The following DOCK1 variants were observed in gnomAD, a reference collection of about 807,000 sequenced individuals.
The protein encoded by DOCK1 is dedicator of cytokinesis protein 1.
A neutral mutation model predicts 262.7 loss-of-function variants in DOCK1; 138 were observed. The ratio of observed to expected loss-of-function variants is 0.53; its 90% CI spans 0.46 to 0.61. The LOEUF is 0.61. Ranked by LOEUF, DOCK1 falls within the 20% of genes least tolerant of loss-of-function variation. The pLI, the probability that DOCK1 is intolerant of heterozygous loss-of-function variation, is 0.00. For missense variants in DOCK1, 1,908 were observed against 2,370.7 expected, an observed-to-expected ratio of 0.80 and a Z score of 4.05; for synonymous variants, 866 against 867.4, an observed-to-expected ratio of 1.00 and a Z score of 0.03.
At chr10:127,022,004 G>GC (rs1195466522) in intron 13 of DOCK1, among the ~76,000 whole-genome samples, 1 of 152,162 alleles carries the variant, frequency 6.6e-6, no homozygotes, top group Admixed American at 6.5e-5. Flanking sequence ...CAGCAGAGGA[G>GC]CAGTGGCTGG....
Position 126,977,988 on chromosome 10 carries a change from G to T in DOCK1, c.171G>T (p.Lys57Asn). The T allele has an allele frequency of 1.2e-6, 2 of 1,613,748 alleles. No homozygotes were observed. Among genetic ancestry groups the T allele is most frequent in the Non-Finnish European group, 1.7e-6 (2 of 1,179,772 alleles). The change falls in exon 3 of 52, where the codon AAG (lysine) becomes AAT (asparagine). Residue 57 changes from lysine (K) to asparagine (N), a missense_variant and splice_region_variant. By Grantham distance (94) the Lys-to-Asn change is moderately conservative. Around this residue, in one of 9 missense-constraint regions of DOCK1, gnomAD observed 227 missense variants for 254.1 expected, o/e 0.89. Coordinates refer to ENST00000623213, the MANE Select transcript of DOCK1 (RefSeq NM_001290223.2). ...RGYTLRKKSK[K>N]GIFPASYIHL... ...ACACGTTACGAAAAAAGTCTAAGAAGGTAAGTCCTTCTTCTTAAACACAGT... is the reference window on the plus strand; with the variant it reads ...ACACGTTACGAAAAAAGTCTAAGAATGTAAGTCCTTCTTCTTAAACACAGT...
chr10:127,144,772 A>G (rs2486971), intron 27 of DOCK1, among the ~76,000 whole-genome samples: 107,986 of 152,106 alleles, frequency 0.71, 42,928 homozygotes, highest in South Asian at 0.89. Flanking sequence ...GATTCACCGT[A>G]ACTTTGTATC....
chr10:127,043,409 A>G (rs2044147969), intron 21 of DOCK1, among the ~76,000 whole-genome samples: 1 of 152,194 alleles, frequency 6.6e-6, no homozygotes, highest in East Asian at 1.9e-4. Context: ...CCTTCCATTT[A>G]TCTTTGAAAT....
At chr10:127,201,018 G>C (rs1029316659) in intron 27 of DOCK1, among the ~76,000 whole-genome samples, 2 of 152,244 alleles carry the variant, frequency 1.3e-5, no homozygotes, top group Non-Finnish European at 2.9e-5. Context: ...AGAAGCTGTG[G>C]TAGCAGATCA....
Position 127,012,648 on chromosome 10 carries a change from G to T in DOCK1, c.1201+274G>T, listed in dbSNP as rs773566933. Among the ~76,000 whole-genome samples, 1 of 152,164 alleles carries T rather than the reference G, an allele frequency of 6.6e-6. No homozygotes were observed. On this transcript the variant is annotated intron_variant, in intron 12 of 51. Transcript: ENST00000623213. This position sits in a 1 kb window ranked among gnomAD's most constrained non-coding sequence, Gnocchi z 4.0. ...TTAGAGGAACATGCAGGCGGTAGGC[G>T]TAACTCCCTCTGCCCGTGTTGTGTG...
intron 29 of DOCK1, among the ~76,000 whole-genome samples, chr10:127,299,799 C>T (rs148904792): frequency 1.3e-5 from 2 of 152,282 alleles, no homozygotes; most frequent in African/African-American, 2.4e-5. Context: ...GTATGATCAG[C>T]GAGAGGCTTA....
intron 27 of DOCK1, among the ~76,000 whole-genome samples, chr10:127,188,601 C>T (rs566448452): frequency 2.7e-4 from 41 of 152,278 alleles, no homozygotes; most frequent in Admixed American, 2.2e-3. Flanking sequence ...GGTTTGCTAA[C>T]GTGGTTAATT....
At chr10:126,998,572 A>T (rs1225271647) in intron 8 of DOCK1, 2 of 220,068 alleles carry the variant, frequency 9.1e-6, no homozygotes, top group East Asian at 1.8e-4. Context: ...GTAAGATTTT[A>T]TATATCCTGG....
At chr10:127,416,083 T>C (rs2068134010) in intron 44 of DOCK1, among the ~76,000 whole-genome samples, 1 of 152,206 alleles carries the variant, frequency 6.6e-6, no homozygotes. Context: ...GCGCCGAGCC[T>C]TCTCCTTTGC....
At chr10:127,449,179 C>T (rs952891065) in intron 51 of DOCK1, among the ~76,000 whole-genome samples, 2 of 152,122 alleles carry the variant, frequency 1.3e-5, no homozygotes, top group Admixed American at 1.3e-4. Flanking sequence ...AAATGGAAGC[C>T]GGACCTTCCC....
chr10:126,948,575 C>T (rs1354761229), intron 1 of DOCK1, among the ~76,000 whole-genome samples: 2 of 151,806 alleles, frequency 1.3e-5, no homozygotes, highest in African/African-American at 4.8e-5. Flanking sequence ...GGATAGGCAC[C>T]CTGAAACAGG....
At chr10:127,283,725 A>G (rs1288357877) in intron 29 of DOCK1, among the ~76,000 whole-genome samples, 3 of 152,144 alleles carry the variant, frequency 2.0e-5, no homozygotes, top group African/African-American at 7.2e-5. Flanking sequence ...CAACTTTCTT[A>G]TTGGCTGCAT....
chr10:127,348,635 C>G (rs2063748505), intron 31 of DOCK1, among the ~76,000 whole-genome samples: 3 of 151,794 alleles, frequency 2.0e-5, no homozygotes, highest in Non-Finnish European at 4.4e-5. Context: ...TCAGTTTTGG[C>G]GGGGTGGGTG....
intron 22 of DOCK1, among the ~76,000 whole-genome samples, chr10:127,058,294 C>A (rs2045302294): frequency 6.6e-6 from 1 of 151,968 alleles, no homozygotes; most frequent in South Asian, 2.1e-4. Flanking sequence ...TGATATCTTT[C>A]CTGTTGGTCT....
At chr10:127,389,857 T>G (rs1036556405) in intron 38 of DOCK1, among the ~76,000 whole-genome samples, 9 of 151,774 alleles carry the variant, frequency 5.9e-5, no homozygotes, top group African/African-American at 2.2e-4. Flanking sequence ...CTACTGAAAA[T>G]ACAAAAATTA....
chr10:127,240,691 T>A (rs933181209), intron 27 of DOCK1, among the ~76,000 whole-genome samples: 2 of 152,212 alleles, frequency 1.3e-5, no homozygotes, highest in Non-Finnish European at 2.9e-5. Flanking sequence ...TTAATTATTC[T>A]TTCTTTCTTA....
chr10:127,223,569 T>C (rs1214675915), intron 27 of DOCK1, among the ~76,000 whole-genome samples: 4 of 152,142 alleles, frequency 2.6e-5, no homozygotes, highest in Non-Finnish European at 4.4e-5. Context: ...ATTGAACCGG[T>C]AAGTATAATG....
chr10:127,250,501 A>T (rs2059587764), intron 28 of DOCK1, among the ~76,000 whole-genome samples: 1 of 152,120 alleles, frequency 6.6e-6, no homozygotes, highest in Non-Finnish European at 1.5e-5. Context: ...CCATTAAGAA[A>T]TGATGTTGGC....
chr10:127,345,484 A>T (rs1490155974), intron 31 of DOCK1, among the ~76,000 whole-genome samples: 3 of 152,146 alleles, frequency 2.0e-5, no homozygotes, highest in African/African-American at 4.8e-5. Context: ...TTTGGTCTGC[A>T]CCTATCTAAG....
Sources: allele counts gnomAD v4.1 joint callset (sites outside exome capture counted in the v4.1 genomes callset), GRCh38; gene constraint gnomAD v4.1.1; regional missense constraint gnomAD v4.1.1; non-coding constraint Gnocchi (gnomAD v3.1); transcripts MANE v1.5; gene names NCBI Gene and HGNC (gene_info 2026-07-23, HGNC 2026-07-21).